Variants in NCAPD3 observed in about 807,000 individuals in gnomAD.
NCAPD3 encodes the protein non-SMC condensin II complex subunit D3.
In NCAPD3, 105 loss-of-function variants were observed where a neutral mutation model predicts 182.9. That is an observed-to-expected ratio of 0.57 (90% CI 0.49 to 0.68). The LOEUF is 0.68. NCAPD3 is among the 30% of genes least tolerant of loss of function. NCAPD3 has a pLI of 0.00. For missense variants in NCAPD3, 1,944 were observed against 1,837.0 expected (o/e 1.06, Z -1.07); for synonymous variants, 815 against 679.9 (o/e 1.20, Z -3.09).
intron 28 of NCAPD3, 22 bp from the exon 29 acceptor site, chr11:134,160,096 CCTTTCATGTTTT>C: frequency 3.7e-6 from 6 of 1,609,088 alleles, no homozygotes; most frequent in Non-Finnish European, 5.1e-6. Flanking sequence ...CCAGGAGCAT[CCTTTCATGTTTT>C]CTTGAATAAA....
At chr11:134,193,044 A>G (rs1944556995) in intron 15 of NCAPD3, 135 bp from the exon 16 acceptor site, 1 of 583,910 alleles carries the variant, frequency 1.7e-6, no homozygotes, top group Non-Finnish European at 3.0e-6. Flanking sequence ...AAAAAAATTC[A>G]AAAAATATAC....
At chr11:134,189,349 C>T (rs936972102) in intron 16 of NCAPD3, among the ~76,000 whole-genome samples, 7 of 152,034 alleles carry the variant, frequency 4.6e-5, no homozygotes, top group South Asian at 2.1e-4. Context: ...AAAGACTTTT[C>T]GTAACTTCTT....
chr11:134,168,895 C>A (rs1338533019), intron 25 of NCAPD3, 22 bp downstream of exon 25: 3 of 1,605,748 alleles, frequency 1.9e-6, no homozygotes, highest in Non-Finnish European at 1.7e-6. Context: ...ACAAGGAGAC[C>A]AGACTTAGCT....
At chr11:134,163,648 C>G (rs1943659297) in intron 27 of NCAPD3, among the ~76,000 whole-genome samples, 1 of 141,042 alleles carries the variant, frequency 7.1e-6, no homozygotes, top group Non-Finnish European at 1.5e-5. Context: ...TTGCACTGAG[C>G]AGAGATCGTA....
At position 134,217,033 on chromosome 11, in the gene NCAPD3, A is replaced by G; in HGVS notation, c.285T>C (p.His95=). 1.2e-6 allele frequency: 2 copies of G among 1,614,036 alleles called. No homozygotes were observed. The highest frequency in any genetic ancestry group is 1.7e-6 in the Non-Finnish European group (2 of 1,179,928). Residue 95 remains histidine, a synonymous_variant, in exon 3 of 35, where the codon CAT becomes CAC. Coordinates refer to ENST00000534548, the MANE Select transcript of NCAPD3 (RefSeq NM_015261.3). ...SHSTLVALFY[H]FVQIVHKKNV... Reference sequence around the variant, plus strand: ...TCTTCTTATGAACTATTTGAACAAAATGATAGAACAATGCCACCAGTGTAC... The same window carrying G: ...TCTTCTTATGAACTATTTGAACAAAGTGATAGAACAATGCCACCAGTGTAC...
At chr11:134,192,640 G>A in intron 16 of NCAPD3, 49 bp downstream of exon 16, 2 of 1,509,354 alleles carry the variant, frequency 1.3e-6, no homozygotes, top group Non-Finnish European at 1.8e-6. Flanking sequence ...TTAATACAAA[G>A]TCCTACGGCC....
At position 134,192,675 on chromosome 11, in the gene NCAPD3, T is replaced by C. The variant is rs757856895; in HGVS notation, c.2045+14A>G. ...CTTCTTCTATAGGGAACACAGGTCA[T>C]ACAGTTAACCTACCTCAGTTCCTGG... On this transcript the variant is annotated intron_variant, in intron 16 of 34. Coordinates refer to ENST00000534548, the MANE Select transcript of NCAPD3 (RefSeq NM_015261.3). 6.9e-6 allele frequency: 11 copies of C among 1,605,476 alleles called. No homozygotes were observed. In the South Asian group the frequency reaches 1.1e-4, roughly 16 times the overall value.
chr11:134,207,843 C>A (rs1322906372), intron 7 of NCAPD3, among the ~76,000 whole-genome samples: 2 of 150,864 alleles, frequency 1.3e-5, no homozygotes, highest in Non-Finnish European at 2.9e-5. Flanking sequence ...TTTAAAAGGG[C>A]ATGCGAATTA....
chr11:134,154,295 G>C (rs1429386716), intron 32 of NCAPD3, among the ~76,000 whole-genome samples: 1 of 152,114 alleles, frequency 6.6e-6, no homozygotes, highest in Non-Finnish European at 1.5e-5. Flanking sequence ...TTACTGCCCT[G>C]CTTCAAGACA....
intron 16 of NCAPD3, among the ~76,000 whole-genome samples, chr11:134,188,845 G>A (rs1035477953): frequency 1.3e-5 from 2 of 152,096 alleles, no homozygotes; most frequent in African/African-American, 4.8e-5. Flanking sequence ...GGACACAAAG[G>A]GTATCCTTAT....
intron 24 of NCAPD3, among the ~76,000 whole-genome samples, chr11:134,172,629 A>C (rs759537241): frequency 4.4e-4 from 67 of 152,204 alleles, no homozygotes; most frequent in Non-Finnish European, 5.9e-4. Context: ...AACTACAATA[A>C]TCTGCTTAGT....
Position 134,206,734 on chromosome 11 carries a change from TAGAAG to T in NCAPD3, c.883-7_883-3del, listed in dbSNP as rs1467434275. ...TTGATGGAAAACACAACTGATGACC[TAGAAG>T]AGAAAAGAAAATTCAATTTAAGATC... On this transcript the variant is annotated splice_polypyrimidine_tract_variant and splice_region_variant and intron_variant, in intron 7 of 34. Coordinates refer to ENST00000534548, the MANE Select transcript of NCAPD3 (RefSeq NM_015261.3). 5.0e-6 allele frequency: 8 copies of T among 1,599,218 alleles called. No individual in the cohort carries two copies. Among genetic ancestry groups the T allele is most frequent in the Admixed American group, 1.8e-5 (1 of 55,798 alleles).
At chr11:134,185,208 T>C (rs1196941165) in intron 17 of NCAPD3, 127 bp downstream of exon 17, 1 of 963,214 alleles carries the variant, frequency 1.0e-6, no homozygotes, top group Non-Finnish European at 1.5e-6. Flanking sequence ...ATGCTTGTTT[T>C]TATACCAGGT....
chr11:134,190,193 T>A (rs183281488), intron 16 of NCAPD3, among the ~76,000 whole-genome samples: 1 of 152,330 alleles, frequency 6.6e-6, no homozygotes, highest in African/African-American at 2.4e-5. Context: ...CATACGACTA[T>A]CCCTGGTTGT....
intron 24 of NCAPD3, among the ~76,000 whole-genome samples, chr11:134,170,658 G>C (rs1427345614): frequency 6.6e-6 from 1 of 152,244 alleles, no homozygotes; most frequent in Non-Finnish European, 1.5e-5. Context: ...CTCAGTTTAG[G>C]TCAAGAATAC....
At chr11:134,220,366 T>TA (rs199616299) in intron 2 of NCAPD3, among the ~76,000 whole-genome samples, 90 of 145,660 alleles carry the variant, frequency 6.2e-4, no homozygotes, top group African/African-American at 9.3e-4. Context: ...AGTCGTGTCT[T>TA]AAAAAAAAAA....
At chr11:134,183,233 G>A (rs1287245256) in intron 19 of NCAPD3, 2 of 449,564 alleles carry the variant, frequency 4.4e-6, no homozygotes, top group African/African-American at 2.0e-5. Context: ...GTGTACCACT[G>A]AGCCTGGAAG....
upstream of NCAPD3, chr11:134,224,285 A>G (rs1938366626): frequency 2.8e-6 from 1 of 351,024 alleles, no homozygotes. Context: ...AGTAACTGTC[A>G]CCTTTGCCCT....
At chr11:134,215,963 G>A (rs1938008035) in intron 3 of NCAPD3, among the ~76,000 whole-genome samples, 1 of 152,194 alleles carries the variant, frequency 6.6e-6, no homozygotes, top group Admixed American at 6.5e-5. Flanking sequence ...CTGGAAAGCT[G>A]CAAGTGGCCC....
Sources: gnomAD v4.1 joint callset for allele counts (sites outside exome capture counted in the v4.1 genomes callset) on GRCh38, gnomAD v4.1.1 for gene constraint, MANE v1.5 for transcripts, NCBI Gene and HGNC (gene_info 2026-07-23, HGNC 2026-07-21) for gene names.